The following ZNF799 variants were observed in gnomAD, a reference collection of about 807,000 sequenced individuals.
ZNF799 encodes zinc finger protein 799.
Under a neutral mutation model 41.0 loss-of-function variants are expected in ZNF799, and 28 were observed. That is an observed-to-expected ratio of 0.68 (90% CI 0.51 to 0.94). The LOEUF (loss-of-function observed/expected upper bound fraction) is 0.94, where lower values mean the gene tolerates loss of function less well. ZNF799 is among the 40% of genes least tolerant of loss of function. The pLI is 0.00. For missense variants in ZNF799, 716 were observed against 764.3 expected (o/e 0.94, Z 0.74); for synonymous variants, 213 against 252.9 (o/e 0.84, Z 1.50).
chr19:12,411,261 A>T, the ZNF799 span, among the ~76,000 whole-genome samples: 1,660 of 152,264 alleles, frequency 0.011, 12 homozygotes, highest in African/African-American at 0.038. Flanking sequence ...GCCTGTGGTA[A>T]TCTGTTATAA....
chr19:12,394,934 G>C (rs1335839027), intron 1 of ZNF799: 36 of 946,468 alleles, frequency 3.8e-5, no homozygotes, highest in Non-Finnish European at 4.4e-5. Flanking sequence ...AATGAAAACT[G>C]GTAGAAAAGT....
chr19:12,395,033 C>T (rs1166225721), intron 1 of ZNF799: 1 of 207,210 alleles, frequency 4.8e-6, no homozygotes, highest in Non-Finnish European at 8.4e-6. Flanking sequence ...CGGTATAGAA[C>T]CCTGGACACT....
chr19:12,390,539 G>C lies in ZNF799; in HGVS notation c.1859C>G (p.Pro620Arg). The C allele has an allele frequency of 1.9e-6, 3 of 1,613,736 alleles. No individual in the cohort carries two copies. The highest frequency in any genetic ancestry group is 2.5e-6 in the Non-Finnish European group (3 of 1,179,818). Residue 620 changes from proline to arginine, a missense_variant, in exon 4 of 4, where the codon CCG (proline) becomes CGG (arginine). Pro to Arg is a moderately radical substitution (Grantham distance 103). Coordinates refer to ENST00000430385, the MANE Select transcript of ZNF799 (RefSeq NM_001080821.3). ...HWKKTHTGEN[P>R]YGCKECGKAF... is the part of the protein sequence containing the mutation. The stretch of plus-strand genomic sequence containing the variant: ...TTTCCCACATTCCTTACATCCATAC[G>C]GGTTCTCTCCAGTGTGAGTTTTTTT...
chr19:12,410,252 TGC>T, the ZNF799 span, among the ~76,000 whole-genome samples: 2 of 59,730 alleles, frequency 3.3e-5, no homozygotes, highest in African/African-American at 8.4e-5. Flanking sequence ...AATGTCTGTG[TGC>T]ATATATATAT....
In ZNF799 at chr19:12,394,718, T is replaced by C. The variant is rs1222492634; in HGVS notation, c.4-1295A>G. On this transcript the variant is annotated intron_variant, in intron 1 of 3. Transcript: ENST00000430385. Reference sequence around the variant, plus strand: ...AGAAAGAACTCAGTGTCATCTCTCATGAATATTTATAATACTTACTAAGAA... The same window carrying C: ...AGAAAGAACTCAGTGTCATCTCTCACGAATATTTATAATACTTACTAAGAA... The C allele has an allele frequency of 6.1e-6, 6 of 985,224 alleles. No individual in the cohort carries two copies. In the Admixed American group the frequency reaches 3.1e-4, roughly 50 times the overall value. The allele number at this position is 985,224 out of a possible 1,614,324, so 61.0% of individuals were successfully genotyped here.
chr19:12,402,489 G>A (rs1970004386), upstream of ZNF799, among the ~76,000 whole-genome samples: 1 of 142,642 alleles, frequency 7.0e-6, no homozygotes. Flanking sequence ...AGTGGTAAAA[G>A]TGGGCATTCT....
chr19:12,395,026 T>C (rs1969874448), intron 1 of ZNF799: 1 of 235,328 alleles, frequency 4.2e-6, no homozygotes, highest in Admixed American at 6.5e-5. Flanking sequence ...GAGTTCCCGG[T>C]ATAGAACCCT....
Position 12,399,376 on chromosome 19 carries a change from G to GT in ZNF799, c.3+1691dup, listed in dbSNP as rs554556960. On this transcript the variant is annotated intron_variant, in intron 1 of 3. Coordinates refer to ENST00000430385, the MANE Select transcript of ZNF799 (RefSeq NM_001080821.3). ...AGTCCAGAAGGCAAAAATCATTTCT[G>GT]TTTTTTTTTCCTATGGAATATGACC... Among the ~76,000 whole-genome samples the GT allele has an allele frequency of 2.6e-3, 395 of 150,322 alleles. 3 individuals are homozygous for GT. Among genetic ancestry groups the GT allele is most frequent in the African/African-American group, 9.4e-3 (381 of 40,600 alleles).
Position 12,390,346 on chromosome 19 carries a change from T to G in ZNF799, c.*120A>C. On this transcript the variant is annotated 3_prime_UTR_variant, in exon 4 of 4. Coordinates refer to ENST00000430385, the MANE Select transcript of ZNF799 (RefSeq NM_001080821.3). ...TGTACTGGAAAGAAACTGAAATTAC[T>G]TAAGGTTTTACCAAGTGCTTACATT... The G allele has an allele frequency of 6.4e-7, 1 of 1,573,674 alleles. No individual in the cohort carries two copies. The highest frequency in any genetic ancestry group is 8.6e-7 in the Non-Finnish European group (1 of 1,160,144).
Position 12,391,286 on chromosome 19 carries a change from C to A in ZNF799, c.1112G>T (p.Gly371Val), listed in dbSNP as rs544679541. 1 of 1,614,064 alleles carries A rather than the reference C, an allele frequency of 6.2e-7. No individual in the cohort carries two copies. The highest frequency in any genetic ancestry group is 2.2e-5 in the East Asian group (1 of 44,866). The change falls in exon 4 of 4, where the codon GGG becomes GTG. Residue 371 changes from glycine to valine, a missense_variant. This residue lies in a region of ZNF799 where 698 missense variants were observed against 713.6 expected (regional missense o/e 0.98). Transcript: ENST00000430385. ...GCTTGAGCTATGAGATAACGCTTTC[C>A]CACACTGCTTGCATTCATAGAGTTT... ...GEKLYECKQCGKALSHSSSFR... is the reference protein window; with the variant it reads ...GEKLYECKQCVKALSHSSSFR...
intron 1 of ZNF799, among the ~76,000 whole-genome samples, chr19:12,395,731 C>A (rs1215189542): frequency 6.6e-6 from 1 of 151,892 alleles, no homozygotes; most frequent in Non-Finnish European, 1.5e-5. Flanking sequence ...GAGAAGAAAC[C>A]CTCATTTTCA....
At chr19:12,400,632 A>G (rs1599609667) in intron 1 of ZNF799, 1 of 268,578 alleles carries the variant, frequency 3.7e-6, no homozygotes, top group Non-Finnish European at 7.1e-6. Flanking sequence ...TCACTTCCCC[A>G]CCAACCAACG....
At chr19:12,402,981 G>A (rs1380258195), upstream of ZNF799, among the ~76,000 whole-genome samples, 1 of 152,160 alleles carries the variant, frequency 6.6e-6, no homozygotes, top group Admixed American at 6.5e-5. Flanking sequence ...CTTCTCCTCT[G>A]TTTTGGAATA....
chr19:12,401,133 C>T lies in ZNF799; in HGVS notation c.-63G>A. The T allele has an allele frequency of 6.2e-7, 1 of 1,612,462 alleles. No homozygotes were observed. Among genetic ancestry groups the T allele is most frequent in the South Asian group, 1.1e-5 (1 of 91,004 alleles). On this transcript the variant is annotated 5_prime_UTR_variant, in exon 1 of 4. Coordinates refer to ENST00000430385, the MANE Select transcript of ZNF799 (RefSeq NM_001080821.3). ...CTCCCGCTGCCAATGCGGGTTCCCGCGGGACACAGGCTGCCACGGAACTTC... is the reference window on the plus strand; with the variant it reads ...CTCCCGCTGCCAATGCGGGTTCCCGTGGGACACAGGCTGCCACGGAACTTC...
intron 1 of ZNF799, chr19:12,398,357 A>G (rs556596744): frequency 6.6e-6 from 1 of 152,072 alleles, no homozygotes; most frequent in African/African-American, 2.4e-5. Context: ...TTACCCTTCT[A>G]TGCTTTACAT....
At chr19:12,396,803 T>TG (rs1456052230) in intron 1 of ZNF799, among the ~76,000 whole-genome samples, 1 of 148,880 alleles carries the variant, frequency 6.7e-6, no homozygotes, top group Non-Finnish European at 1.5e-5. Flanking sequence ...ATTAATCTAA[T>TG]GGGGAAAAAA....
In ZNF799 at chr19:12,390,600, G is replaced by A; in HGVS notation, c.1798C>T (p.Leu600Phe). 2.5e-6 allele frequency: 4 copies of A among 1,612,968 alleles called. No homozygotes were observed. The highest frequency in any genetic ancestry group is 2.5e-6 in the Non-Finnish European group (3 of 1,179,766). The part of the protein sequence containing the change: ...CKECGKAFAS[L>F]SSLHRHKKTH... ...TTTTTATGTCTATGCAAGGAACTGA[G>A]AGAAGCAAATGCTTTCCCACATTCC... is the stretch of plus-strand genomic sequence containing the variant. Residue 600 changes from leucine (L) to phenylalanine (F), a missense_variant, in exon 4 of 4, where the codon CTC becomes TTC. Leu to Phe is a conservative substitution (Grantham distance 22). Around this residue, in one of 2 missense-constraint regions of ZNF799, gnomAD observed 698 missense variants for 713.6 expected, o/e 0.98. Coordinates refer to ENST00000430385, the MANE Select transcript of ZNF799 (RefSeq NM_001080821.3).
chr19:12,402,406 C>A (rs12609525), upstream of ZNF799, among the ~76,000 whole-genome samples: 10,121 of 136,408 alleles, frequency 0.074, 654 homozygotes, highest in East Asian at 0.22. Flanking sequence ...AATATAGATG[C>A]CCTTTATTTC....
At chr19:12,393,914 C>CA (rs1047842639) in intron 1 of ZNF799, 18 of 215,306 alleles carry the variant, frequency 8.4e-5, no homozygotes, top group African/African-American at 1.9e-4. Context: ...ATTGTTTACG[C>CA]AAAAAAAATA....
Sources: gnomAD v4.1 joint callset for allele counts (sites outside exome capture counted in the v4.1 genomes callset) on GRCh38, gnomAD v4.1.1 for gene constraint, gnomAD v4.1.1 regional missense constraint, MANE v1.5 for transcripts, NCBI Gene and HGNC (gene_info 2026-07-23, HGNC 2026-07-21) for gene names.